The following MAPK8IP1 variants were observed in gnomAD, a reference collection of about 807,000 sequenced individuals.
MAPK8IP1 encodes the protein C-Jun-amino-terminal kinase-interacting protein 1.
A neutral mutation model predicts 72.6 loss-of-function variants in MAPK8IP1; 17 were observed. That is an observed-to-expected ratio of 0.23 (90% CI 0.16 to 0.35). The LOEUF (loss-of-function observed/expected upper bound fraction) is 0.35, where lower values mean the gene tolerates loss of function less well. MAPK8IP1 is among the 10% of genes least tolerant of loss of function. The probability of loss-of-function intolerance (pLI) is 1.00; values close to 1 mark genes in which losing one functional copy is unlikely to be tolerated. For synonymous variants in MAPK8IP1, 401 were observed against 443.4 expected, an observed-to-expected ratio of 0.90 and a Z score of 1.20; for missense variants, 789 against 1,009.7, an observed-to-expected ratio of 0.78 and a Z score of 2.96.
Position 45,904,759 on chromosome 11 carries a change from C to T in MAPK8IP1, c.1818C>T (p.Pro606=). 6.2e-7 allele frequency: 1 copy of T among 1,614,064 alleles called. No individual in the cohort carries two copies. Among genetic ancestry groups the T allele is most frequent in the South Asian group, 1.1e-5 (1 of 91,086 alleles). Reference sequence around the variant, plus strand: ...GGCTCACCGTGCACTTTAACCCGCCCTCCAGCTGTGTCCTGGAGATCAGCG... The same window carrying T: ...GGCTCACCGTGCACTTTAACCCGCCTTCCAGCTGTGTCCTGGAGATCAGCG... ...TRRLTVHFNP[P]SSCVLEISVR... The change falls in exon 9 of 12, where the codon CCC becomes CCT. Residue 606 remains proline (P), a synonymous_variant. Transcript: ENST00000241014. This position sits in a 1 kb window ranked among gnomAD's most constrained non-coding sequence, Gnocchi z 6.4.
intron 1 of MAPK8IP1, among the ~76,000 whole-genome samples, chr11:45,886,580 C>A (rs751572716): frequency 6.6e-6 from 1 of 152,156 alleles, no homozygotes; most frequent in African/African-American, 2.4e-5. Context: ...GCGAGGGTGT[C>A]GAGGGGATCC....
Position 45,903,565 on chromosome 11 carries a change from C to G in MAPK8IP1, c.1493+125C>G, listed in dbSNP as rs888014779. 1 of 821,810 alleles carries G rather than the reference C, an allele frequency of 1.2e-6. No homozygotes were observed. Among genetic ancestry groups the G allele is most frequent in the African/African-American group, 1.7e-5 (1 of 59,570 alleles). 50.9% of individuals were successfully genotyped at this position (821,810 alleles called of 1,614,324 possible). On this transcript the variant is annotated intron_variant, in intron 6 of 11. Coordinates refer to ENST00000241014, the MANE Select transcript of MAPK8IP1 (RefSeq NM_005456.4). The surrounding 1 kb of genome is among the most constrained non-coding windows in gnomAD (Gnocchi z 6.4). ...ATCAGCCTTCATTTATCCACTCAGCCCTGGGAGGACAGTGTCCACTCTCTA... is the reference window on the plus strand; with the variant it reads ...ATCAGCCTTCATTTATCCACTCAGCGCTGGGAGGACAGTGTCCACTCTCTA...
At position 45,900,570 on chromosome 11, in the gene MAPK8IP1, C is replaced by A; in HGVS notation, c.522+118C>A. The A allele has an allele frequency of 1.7e-6, 2 of 1,199,094 alleles. No individual in the cohort carries two copies. Among genetic ancestry groups the A allele is most frequent in the Admixed American group, 2.6e-5 (1 of 39,008 alleles). The allele number at this position is 1,199,094 out of a possible 1,614,324, so 74.3% of individuals were successfully genotyped here. A position where few individuals can be genotyped will look rare whatever the true frequency, so the allele number is the denominator to read the frequency against. Reference sequence around the variant, plus strand: ...GTCCAGTGCCTGGGGACAGCGCCTGCATAGGGGCCGCGGTGGCTCGCTCCC... The same window carrying A: ...GTCCAGTGCCTGGGGACAGCGCCTGAATAGGGGCCGCGGTGGCTCGCTCCC... On this transcript the variant is annotated intron_variant, in intron 3 of 11. Transcript: ENST00000241014. The surrounding 1 kb of genome is among the most constrained non-coding windows in gnomAD (Gnocchi z 6.5).
At position 45,889,699 on chromosome 11, in the gene MAPK8IP1, CAA is replaced by C. The variant is rs534021865; in HGVS notation, c.101+3779_101+3780del. Among the ~76,000 whole-genome samples the C allele has an allele frequency of 3.3e-5, 5 of 152,178 alleles. No individual in the cohort carries two copies. The South Asian group carries it at 8.3e-4, about 25-fold the overall frequency. On this transcript the variant is annotated intron_variant, in intron 1 of 11. Transcript: ENST00000241014. ...CCAGCTCCCTCCCCTTATGAGGAAA[CAA>C]GAGAGGGCGAGTGGCTCCCCCAAGA...
chr11:45,905,824 G>T lies in MAPK8IP1; in HGVS notation c.*103G>T, dbSNP rs933319713. On this transcript the variant is annotated 3_prime_UTR_variant, in exon 12 of 12. Transcript: ENST00000241014. The stretch of plus-strand genomic sequence containing the variant: ...TGCTTGAGGAGGGGCACCTGCCACC[G>T]CCAGAGGACAAGGAAGTGGGGGCCG... 6 of 1,166,472 alleles carry T rather than the reference G, an allele frequency of 5.1e-6. No homozygotes were observed. The highest frequency in any genetic ancestry group is 1.5e-5 in the African/African-American group (1 of 66,362). The allele number at this position is 1,166,472 out of a possible 1,614,324, so 72.3% of individuals were successfully genotyped here.
At chr11:45,905,578 C>T in intron 11 of MAPK8IP1, 71 bp from the exon 12 acceptor site, 1 of 1,411,700 alleles carries the variant, frequency 7.1e-7, no homozygotes, top group Admixed American at 1.7e-5. Context: ...AGCGGGAAAA[C>T]CCTGGGTCGG....
chr11:45,901,887 C>T (rs1371780684), intron 3 of MAPK8IP1, 93 bp from the exon 4 acceptor site: 2 of 925,426 alleles, frequency 2.2e-6, no homozygotes, highest in Non-Finnish European at 3.6e-6. Context: ...AGCAAATGGC[C>T]CTAGGGATGG....
rs1440355510 is a variant in MAPK8IP1 at position 45,903,308 on chromosome 11, C to T, written c.1418-57C>T. ...TTAGGACTGAGGCTTCTACCTGCCC[C>T]GCTAAACCTGGATCAGAGCTGCGAC... On this transcript the variant is annotated intron_variant, in intron 5 of 11. Coordinates refer to ENST00000241014, the MANE Select transcript of MAPK8IP1 (RefSeq NM_005456.4). The surrounding 1 kb of genome is among the most constrained non-coding windows in gnomAD (Gnocchi z 6.4). 11 of 1,597,410 alleles carry T rather than the reference C, an allele frequency of 6.9e-6. No individual in the cohort carries two copies. In the Admixed American group the frequency reaches 8.3e-5, roughly 12 times the overall value.
Position 45,885,919 on chromosome 11 carries a change from C to T in MAPK8IP1, c.99C>T (p.Phe33=). The change falls in exon 1 of 12, where the codon TTC becomes TTT. Residue 33 remains phenylalanine (F), a splice_region_variant and synonymous_variant. Transcript: ENST00000241014. ...LGLHIASPPN[F]RLTHDISLEE... ...TGCACATCGCTTCGCCTCCCAATTT[C>T]AGGTGAGAGTCCCCGGCCGCCGCGC... is the stretch of plus-strand genomic sequence containing the variant. 6.8e-7 allele frequency: 1 copy of T among 1,477,342 alleles called. No individual in the cohort carries two copies. Among genetic ancestry groups the T allele is most frequent in the East Asian group, 3.0e-5 (1 of 33,800 alleles). The allele number at this position is 1,477,342 out of a possible 1,614,324, so 91.5% of individuals were successfully genotyped here.
Position 45,902,854 on chromosome 11 carries a change from C to A in MAPK8IP1, c.1087C>A (p.Pro363Thr). The change falls in exon 5 of 12, where the codon CCA becomes ACA. Residue 363 changes from proline to threonine, a missense_variant. Pro to Thr is a conservative substitution (Grantham distance 38). Transcript: ENST00000241014. This position sits in a 1 kb window ranked among gnomAD's most constrained non-coding sequence, Gnocchi z 9.3. ...RGSLGEPPPP[P>T]RASLSSDTSA... ...GAGCCTGGGGGAGCCGCCGCCACCT[C>A]CACGGGCCTCTCTGAGCTCGGACAC... 1 of 1,590,396 alleles carries A rather than the reference C, an allele frequency of 6.3e-7. No homozygotes were observed. Among genetic ancestry groups the A allele is most frequent in the East Asian group, 2.3e-5 (1 of 43,658 alleles).
chr11:45,886,782 G>A (rs1342467105), intron 1 of MAPK8IP1, among the ~76,000 whole-genome samples: 2 of 152,088 alleles, frequency 1.3e-5, no homozygotes, highest in Non-Finnish European at 2.9e-5. Flanking sequence ...CACTGCTCCC[G>A]GCCTAGAGAG....
chr11:45,904,384 C>A lies in MAPK8IP1; in HGVS notation c.1667-71C>A. On this transcript the variant is annotated intron_variant, in intron 7 of 11. Transcript: ENST00000241014. This position sits in a 1 kb window ranked among gnomAD's most constrained non-coding sequence, Gnocchi z 6.4. ...TCTGCCATTCCCCGTGCCTCACCCA[C>A]CCTCCTTCACTTGGCTGCTCAGCTC... 2 of 1,351,856 alleles carry A rather than the reference C, an allele frequency of 1.5e-6. No homozygotes were observed. Among genetic ancestry groups the A allele is most frequent in the Non-Finnish European group, 2.1e-6 (2 of 951,088 alleles). The allele number at this position is 1,351,856 out of a possible 1,614,324, so 83.7% of individuals were successfully genotyped here.
At chr11:45,905,080 G>C (rs377706670) in intron 10 of MAPK8IP1, 39 bp downstream of exon 10, 4 of 1,612,778 alleles carry the variant, frequency 2.5e-6, no homozygotes, top group Non-Finnish European at 3.4e-6. Context: ...AGGCACGGGT[G>C]GTCTGCAGCC....
Position 45,904,231 on chromosome 11 carries a change from CGT to C in MAPK8IP1, c.1666+73_1666+74del. On this transcript the variant is annotated intron_variant, in intron 7 of 11. Transcript: ENST00000241014. The surrounding 1 kb of genome is among the most constrained non-coding windows in gnomAD (Gnocchi z 6.4). ...CTGCCCCAACTTGCTGCTAGGTGAACGTGTACTCCAGATCTCAGCCAGCCAGG... is the reference window on the plus strand; with the variant it reads ...CTGCCCCAACTTGCTGCTAGGTGAACGTACTCCAGATCTCAGCCAGCCAGG... 6.6e-7 allele frequency: 1 copy of C among 1,518,506 alleles called. No individual in the cohort carries two copies. The highest frequency in any genetic ancestry group is 9.0e-7 in the Non-Finnish European group (1 of 1,107,442). 94.1% of individuals were successfully genotyped at this position (1,518,506 alleles called of 1,614,324 possible).
intron 11 of MAPK8IP1, 96 bp from the exon 12 acceptor site, chr11:45,905,553 G>A: frequency 9.0e-7 from 1 of 1,106,374 alleles, no homozygotes; most frequent in Non-Finnish European, 1.4e-6. Context: ...AGCTGCACTT[G>A]GGCCCCAAGG....
chr11:45,897,955 T>C (rs949325547), intron 1 of MAPK8IP1, 130 bp from the exon 2 acceptor site: 55 of 677,758 alleles, frequency 8.1e-5, no homozygotes, highest in Middle Eastern at 7.2e-4. Flanking sequence ...TTGATACAGA[T>C]GAACCCCAAA....
chr11:45,903,403 G>C lies in MAPK8IP1; in HGVS notation c.1456G>C (p.Gly486Arg), dbSNP rs746119339. The C allele has an allele frequency of 1.9e-6, 3 of 1,613,492 alleles. No homozygotes were observed. The highest frequency in any genetic ancestry group is 2.5e-6 in the Non-Finnish European group (3 of 1,180,012). The change falls in exon 6 of 12, where the codon GGG (glycine) becomes CGG (arginine). Residue 486 changes from glycine (G) to arginine (R), a missense_variant. Around this residue, in one of 4 missense-constraint regions of MAPK8IP1, gnomAD observed 377 missense variants for 411.7 expected, o/e 0.92. Transcript: ENST00000241014. The surrounding 1 kb of genome is among the most constrained non-coding windows in gnomAD (Gnocchi z 6.4). The part of the protein sequence containing the change: ...SFGLFSCIIN[G>R]EEQEQTHRAI... ...CGGGCTGTTCTCCTGCATCATCAAC[G>C]GGGAGGAGCAGGAGCAGACCCACCG...
chr11:45,889,177 A>G (rs374055150), intron 1 of MAPK8IP1, among the ~76,000 whole-genome samples: 7 of 152,240 alleles, frequency 4.6e-5, no homozygotes, highest in African/African-American at 1.4e-4. Flanking sequence ...TCTTATACAT[A>G]TAGCCTCAAG....
chr11:45,898,469 GA>G (rs1230532770), intron 2 of MAPK8IP1, among the ~76,000 whole-genome samples: 1 of 152,114 alleles, frequency 6.6e-6, no homozygotes, highest in Non-Finnish European at 1.5e-5. Flanking sequence ...GAAGTCTTGA[GA>G]CCTAGGGCAG....
Sources: allele counts gnomAD v4.1 joint callset (sites outside exome capture counted in the v4.1 genomes callset), GRCh38; gene constraint gnomAD v4.1.1; regional missense constraint gnomAD v4.1.1; non-coding constraint Gnocchi (gnomAD v3.1); transcripts MANE v1.5; gene names NCBI Gene and HGNC (gene_info 2026-07-23, HGNC 2026-07-21).